The following VPS54 variants were observed in gnomAD, a reference collection of about 807,000 sequenced individuals.
The protein encoded by VPS54 is VPS54 subunit of GARP complex.
VPS54 carries 45 observed loss-of-function variants against 121.5 expected under a neutral mutation model. That is an observed-to-expected ratio of 0.37 (90% CI 0.29 to 0.47). The LOEUF (loss-of-function observed/expected upper bound fraction) is 0.47, where lower values mean the gene tolerates loss of function less well. VPS54 is among the 20% of genes least tolerant of loss of function. The pLI is 0.99. For missense variants in VPS54, 1,090 were observed against 1,131.4 expected (o/e 0.96, Z 0.52); for synonymous variants, 371 against 385.8 (o/e 0.96, Z 0.45).
chr2:63,996,219 T>G lies in VPS54; in HGVS notation c.-20-12200A>C, dbSNP rs967697671. Among the ~76,000 whole-genome samples the G allele has an allele frequency of 2.0e-5, 3 of 152,346 alleles. No homozygotes were observed. The South Asian group carries it at 6.2e-4, about 32-fold the overall frequency. ...AATTGTGAAGATTTCATGGACAATT[T>G]GTTAGTGCTCCAAATTAATACTTTT... On this transcript the variant is annotated intron_variant, in intron 1 of 22. Coordinates refer to ENST00000272322, the MANE Select transcript of VPS54 (RefSeq NM_016516.3).
chr2:63,905,545 C>T (rs1020145375), intron 20 of VPS54, among the ~76,000 whole-genome samples: 8 of 151,774 alleles, frequency 5.3e-5, no homozygotes, highest in African/African-American at 1.9e-4. Context: ...AAAAACCTGC[C>T]TGTAAAGTAA....
At chr2:63,926,476 C>T (rs956160923) in intron 12 of VPS54, among the ~76,000 whole-genome samples, 2 of 152,124 alleles carry the variant, frequency 1.3e-5, no homozygotes. Context: ...AGCTCCAGGA[C>T]CATAAGTTGA....
intron 11 of VPS54, among the ~76,000 whole-genome samples, chr2:63,938,155 C>G (rs1674553459): frequency 6.6e-6 from 1 of 151,052 alleles, no homozygotes; most frequent in Non-Finnish European, 1.5e-5. Context: ...TGTGTGCAGA[C>G]AGGATCTTCC....
intron 15 of VPS54, 60 bp downstream of exon 15, chr2:63,919,823 T>C: frequency 6.4e-6 from 8 of 1,249,846 alleles, no homozygotes; most frequent in Non-Finnish European, 8.7e-6. Flanking sequence ...TATTAAGCAT[T>C]AATACAAAAT....
At chr2:63,911,615 C>G (rs1250005017) in intron 20 of VPS54, among the ~76,000 whole-genome samples, 1 of 152,152 alleles carries the variant, frequency 6.6e-6, no homozygotes, top group Non-Finnish European at 1.5e-5. Flanking sequence ...TGAATGGACA[C>G]CACTTTATCT....
At chr2:63,929,971 T>G (rs1056525668) in intron 12 of VPS54, among the ~76,000 whole-genome samples, 3 of 152,126 alleles carry the variant, frequency 2.0e-5, no homozygotes, top group Non-Finnish European at 2.9e-5. Flanking sequence ...AGGAAGAAGT[T>G]GAATCTCTGA....
chr2:63,986,352 A>G (rs576539959), intron 1 of VPS54, among the ~76,000 whole-genome samples: 1 of 152,100 alleles, frequency 6.6e-6, no homozygotes, highest in Admixed American at 6.6e-5. Flanking sequence ...GCTCCCACAA[A>G]TAAGGGAGAA....
At chr2:63,919,150 G>A (rs915624286) in intron 15 of VPS54, among the ~76,000 whole-genome samples, 3 of 152,054 alleles carry the variant, frequency 2.0e-5, no homozygotes, top group Non-Finnish European at 2.9e-5. Context: ...ATCACATGAT[G>A]ACTCCACCTG....
intron 11 of VPS54, among the ~76,000 whole-genome samples, chr2:63,937,682 A>C (rs1277712363): frequency 2.0e-5 from 3 of 152,176 alleles, no homozygotes; most frequent in African/African-American, 7.2e-5. Context: ...TCAGAGAGAT[A>C]TTTGCATATG....
At chr2:63,931,809 G>C (rs969673242) in intron 12 of VPS54, among the ~76,000 whole-genome samples, 3 of 152,078 alleles carry the variant, frequency 2.0e-5, no homozygotes, top group Non-Finnish European at 4.4e-5. Context: ...AAATTTACAA[G>C]AAAAAAGCAA....
Position 63,933,883 on chromosome 2 carries a change from T to A in VPS54, c.1529A>T (p.Tyr510Phe). ...TATAAACATGCCTTCATGGATTAAA[T>A]AAGCCACCTCTGTGTCCAGTGAATT... is the stretch of plus-strand genomic sequence containing the variant. ...KDNSLDTEVA[Y>F]LIHEGMFISD... Residue 510 changes from tyrosine (Y) to phenylalanine (F), a missense_variant, in exon 12 of 23, where the codon TAT (tyrosine) becomes TTT (phenylalanine). By Grantham distance (22) the Tyr-to-Phe change is conservative. This residue lies in a region of VPS54 where 801 missense variants were observed against 757.0 expected (regional missense o/e 1.06). Coordinates refer to ENST00000272322, the MANE Select transcript of VPS54 (RefSeq NM_016516.3). 6.2e-7 allele frequency: 1 copy of A among 1,613,854 alleles called. No individual in the cohort carries two copies. Among genetic ancestry groups the A allele is most frequent in the Non-Finnish European group, 8.5e-7 (1 of 1,179,838 alleles).
rs558890400 is a variant in VPS54 at position 63,955,126 on chromosome 2, A to G, written c.1011-5963T>C. On this transcript the variant is annotated intron_variant, in intron 7 of 22. Coordinates refer to ENST00000272322, the MANE Select transcript of VPS54 (RefSeq NM_016516.3). ...TATTTATGAATGAAACAAAATGTTC[A>G]GGGTTTGTTACAAAATAATACAGGA... Among the ~76,000 whole-genome samples the G allele has an allele frequency of 2.0e-5, 3 of 152,174 alleles. No individual in the cohort carries two copies. The South Asian group carries it at 6.2e-4, about 32-fold the overall frequency.
chr2:63,989,294 T>C (rs1346995839), intron 1 of VPS54, among the ~76,000 whole-genome samples: 3 of 152,174 alleles, frequency 2.0e-5, no homozygotes, highest in Non-Finnish European at 4.4e-5. Context: ...TTGTTGCCCT[T>C]GAAGCACGTG....
intron 20 of VPS54, among the ~76,000 whole-genome samples, chr2:63,903,064 G>A (rs551812176): frequency 6.6e-5 from 10 of 152,024 alleles, no homozygotes; most frequent in African/African-American, 9.7e-5. Context: ...TAATGAAACC[G>A]AAATCTCAAG....
chr2:63,964,640 G>C (rs1280281084), intron 6 of VPS54, among the ~76,000 whole-genome samples: 1 of 152,102 alleles, frequency 6.6e-6, no homozygotes, highest in Admixed American at 6.6e-5. Context: ...GTTGCCAAAG[G>C]AAAAAGCTCA....
At chr2:63,943,033 CTT>C (rs1285483216) in intron 10 of VPS54, among the ~76,000 whole-genome samples, 2 of 152,162 alleles carry the variant, frequency 1.3e-5, no homozygotes, top group Non-Finnish European at 2.9e-5. Context: ...TGGCAAGTGA[CTT>C]AACCCCTCCA....
chr2:64,000,014 C>G (rs530875996), intron 1 of VPS54, among the ~76,000 whole-genome samples: 1 of 152,156 alleles, frequency 6.6e-6, no homozygotes, highest in South Asian at 2.1e-4. Flanking sequence ...GGATGTGCCA[C>G]CTTGCCCGGC....
intron 20 of VPS54, among the ~76,000 whole-genome samples, chr2:63,904,509 T>C (rs533155065): frequency 1.4e-5 from 2 of 140,856 alleles, no homozygotes; most frequent in South Asian, 4.5e-4. Context: ...TAATCCTAAA[T>C]GTGCATGTAT....
intron 1 of VPS54, among the ~76,000 whole-genome samples, chr2:63,991,431 T>C (rs531186154): frequency 2.2e-4 from 34 of 152,322 alleles, no homozygotes; most frequent in Non-Finnish European, 3.4e-4. Flanking sequence ...TGTGAAGGCA[T>C]TGGATCAGAC....
Sources: allele counts gnomAD v4.1 joint callset (sites outside exome capture counted in the v4.1 genomes callset), GRCh38; gene constraint gnomAD v4.1.1; regional missense constraint gnomAD v4.1.1; transcripts MANE v1.5; gene names NCBI Gene and HGNC (gene_info 2026-07-23, HGNC 2026-07-21).